Variants in RELN observed in about 807,000 individuals in gnomAD.
The protein encoded by RELN is reelin.
A neutral mutation model predicts 427.6 loss-of-function variants in RELN; 108 were observed. The ratio of observed to expected loss-of-function variants is 0.25; its 90% CI spans 0.22 to 0.30. RELN has a LOEUF of 0.30. Ranked by LOEUF, RELN falls within the 10% of genes least tolerant of loss-of-function variation. The pLI, the probability that RELN is intolerant of heterozygous loss-of-function variation, is 1.00. For missense variants in RELN, 3,715 were observed against 4,302.8 expected (o/e 0.86, Z 3.82); for synonymous variants, 1,524 against 1,513.4 (o/e 1.01, Z -0.16).
chr7:103,769,268 G>C (rs1319095833), intron 4 of RELN, among the ~76,000 whole-genome samples: 2 of 152,156 alleles, frequency 1.3e-5, no homozygotes, highest in Non-Finnish European at 2.9e-5. Context: ...CAGTGATTAG[G>C]TCATAAGGGT....
intron 1 of RELN, among the ~76,000 whole-genome samples, chr7:103,945,966 G>A (rs1796212098): frequency 6.6e-6 from 1 of 152,114 alleles, no homozygotes; most frequent in Admixed American, 6.6e-5. Flanking sequence ...CGTACACTCT[G>A]ATGTTCACAA....
chr7:103,565,202 G>T, intron 34 of RELN, 76 bp downstream of exon 34: 16 of 1,515,440 alleles, frequency 1.1e-5, no homozygotes, highest in Non-Finnish European at 1.5e-5. Flanking sequence ...AGAATCCCCA[G>T]GCCGAATCAC....
intron 1 of RELN, among the ~76,000 whole-genome samples, chr7:103,925,906 C>A (rs1795720747): frequency 1.3e-5 from 2 of 151,868 alleles, no homozygotes; most frequent in Non-Finnish European, 2.9e-5. Context: ...TTTTTCTCCC[C>A]CAAAATCATC....
chr7:103,941,689 T>C (rs1796117966), intron 1 of RELN, among the ~76,000 whole-genome samples: 3 of 152,166 alleles, frequency 2.0e-5, no homozygotes, highest in Admixed American at 1.3e-4. Flanking sequence ...AAGATTCTAG[T>C]CCAAACACAT....
chr7:103,889,016 G>T (rs1794785956), intron 2 of RELN, among the ~76,000 whole-genome samples: 1 of 152,162 alleles, frequency 6.6e-6, no homozygotes, highest in African/African-American at 2.4e-5. Flanking sequence ...GAGGACTCAT[G>T]CACTGCAGCT....
At chr7:103,556,852 G>C in intron 38 of RELN, 125 bp downstream of exon 38, 1 of 831,830 alleles carries the variant, frequency 1.2e-6, no homozygotes, top group Non-Finnish European at 2.1e-6. Context: ...AGTGAAGCAT[G>C]TAAAATGTGT....
chr7:103,906,727 T>TA (rs1209466077), intron 2 of RELN, among the ~76,000 whole-genome samples: 2 of 152,196 alleles, frequency 1.3e-5, no homozygotes. Context: ...CCTTATGGTT[T>TA]AAACTAAGGC....
intron 1 of RELN, among the ~76,000 whole-genome samples, chr7:103,918,370 GA>G (rs1280535818): frequency 1.3e-5 from 2 of 152,134 alleles, no homozygotes; most frequent in Non-Finnish European, 2.9e-5. Flanking sequence ...ATACCTATAA[GA>G]GGGATACTAT....
intron 2 of RELN, among the ~76,000 whole-genome samples, chr7:103,879,753 A>G (rs996275146): frequency 6.6e-6 from 1 of 152,196 alleles, no homozygotes; most frequent in Non-Finnish European, 1.5e-5. Flanking sequence ...ATGTTTGGAT[A>G]ACCTTGACTG....
At chr7:103,973,007 T>A (rs1433465381) in intron 1 of RELN, among the ~76,000 whole-genome samples, 17 of 152,122 alleles carry the variant, frequency 1.1e-4, no homozygotes, top group Non-Finnish European at 2.5e-4. Context: ...CAGCAGTTAC[T>A]GTGATCCAGT....
chr7:103,773,130 T>TTCTTTCTTTCTC (rs1457716073), intron 4 of RELN, among the ~76,000 whole-genome samples: 1,022 of 98,154 alleles, frequency 0.01, 12 homozygotes, highest in Middle Eastern at 0.015. Context: ...CTTTCTTTCT[T>TTCTTTCTTTCTC]TCTTTCTTTC....
chr7:103,600,978 G>A (rs1831653317), intron 24 of RELN, among the ~76,000 whole-genome samples: 1 of 152,142 alleles, frequency 6.6e-6, no homozygotes, highest in South Asian at 2.1e-4. Flanking sequence ...CAAGAAACCT[G>A]AGATACAGAC....
chr7:103,853,992 T>C (rs1033282085), intron 2 of RELN, among the ~76,000 whole-genome samples: 33 of 152,096 alleles, frequency 2.2e-4, no homozygotes, highest in African/African-American at 7.5e-4. Flanking sequence ...ACAACACAAA[T>C]AAATGATAAA....
intron 23 of RELN, 79 bp downstream of exon 23, chr7:103,604,267 C>T (rs1831757071): frequency 6.5e-7 from 1 of 1,538,176 alleles, no homozygotes; most frequent in East Asian, 2.2e-5. Context: ...CCATGTCACT[C>T]TGATGACAAC....
chr7:103,956,555 A>C (rs1796438161), intron 1 of RELN, among the ~76,000 whole-genome samples: 1 of 152,170 alleles, frequency 6.6e-6, no homozygotes. Context: ...AGTTTTCAAA[A>C]CTTTTTAATT....
intron 46 of RELN, among the ~76,000 whole-genome samples, chr7:103,533,329 C>T (rs375336683): frequency 9.2e-5 from 14 of 152,182 alleles, no homozygotes; most frequent in African/African-American, 1.7e-4. Context: ...CATTTCAATA[C>T]GTTTCCAGAT....
chr7:103,518,869 T>C (rs1584259042), intron 49 of RELN, among the ~76,000 whole-genome samples: 1 of 152,198 alleles, frequency 6.6e-6, no homozygotes, highest in Non-Finnish European at 1.5e-5. Context: ...GTTGTGTTTA[T>C]TCAAGGTTTT....
intron 57 of RELN, among the ~76,000 whole-genome samples, chr7:103,494,444 A>G (rs1367733498): frequency 6.7e-6 from 1 of 149,884 alleles, no homozygotes; most frequent in Admixed American, 6.7e-5. Context: ...GTGGGATCAT[A>G]GCTCACTGTA....
Position 103,977,037 on chromosome 7 carries a change from G to A in RELN, c.226+12094C>T, listed in dbSNP as rs187320623. Among the ~76,000 whole-genome samples the A allele has an allele frequency of 2.0e-3, 309 of 152,040 alleles. 3 individuals are homozygous for A. The highest frequency in any genetic ancestry group is 3.4e-3 in the Non-Finnish European group (230 of 67,994). On this transcript the variant is annotated intron_variant, in intron 1 of 64. Transcript: ENST00000428762. ...TGTAAGATCTCTGGCAGTGCCGGGC[G>A]TGGGAACTCACGCCTGTAATCCCAG...
Sources: allele counts gnomAD v4.1 joint callset (sites outside exome capture counted in the v4.1 genomes callset), GRCh38; gene constraint gnomAD v4.1.1; transcripts MANE v1.5; gene names NCBI Gene and HGNC (gene_info 2026-07-23, HGNC 2026-07-21).